The following ABCA13 variants were observed in gnomAD, a reference collection of about 807,000 sequenced individuals.
ABCA13 encodes the protein ATP-binding cassette sub-family A member 13.
A neutral mutation model predicts 478.7 loss-of-function variants in ABCA13; 476 were observed. The observed-to-expected ratio is 0.99, with a 90% CI of 0.92 to 1.07. The LOEUF (loss-of-function observed/expected upper bound fraction) is 1.07. ABCA13 is among the 50% of genes least tolerant of loss of function. ABCA13 has a pLI of 0.00. For missense variants in ABCA13, 6,060 were observed against 5,910.6 expected (o/e 1.03, Z -0.83); for synonymous variants, 2,252 against 2,158.9 (o/e 1.04, Z -1.20).
chr7:48,455,178 T>G lies in ABCA13; in HGVS notation c.12707T>G (p.Phe4236Cys). The G allele has an allele frequency of 6.3e-7, 1 of 1,588,100 alleles. No homozygotes were observed. Among genetic ancestry groups the G allele is most frequent in the Non-Finnish European group, 8.6e-7 (1 of 1,167,612 alleles). ...TLADLLLPVLFVALAMGLFMV... is the reference protein window; with the variant it reads ...TLADLLLPVLCVALAMGLFMV... ...GCCGACCTGCTGCTGCCAGTCCTCT[T>G]CGTGGCCTTGGCCATGGGCTTGTTC... Residue 4236 changes from phenylalanine (F) to cysteine (C), a missense_variant, in exon 43 of 62, where the codon TTC becomes TGC. Phe to Cys is a radical substitution (Grantham distance 205). Coordinates refer to ENST00000435803, the MANE Select transcript of ABCA13 (RefSeq NM_152701.5).
chr7:48,469,282 A>T (rs143860599), intron 44 of ABCA13, among the ~76,000 whole-genome samples: 1 of 152,204 alleles, frequency 6.6e-6, no homozygotes, highest in Non-Finnish European at 1.5e-5. Flanking sequence ...AAAAGGTGGG[A>T]TCTTCAGAGC....
intron 3 of ABCA13, among the ~76,000 whole-genome samples, chr7:48,200,608 C>G (rs1432730203): frequency 6.6e-6 from 1 of 151,910 alleles, no homozygotes; most frequent in East Asian, 1.9e-4. Context: ...CTGGTAGTGC[C>G]CAAGTCAGAG....
At chr7:48,441,691 TATG>T in intron 42 of ABCA13, among the ~76,000 whole-genome samples, 1 of 152,272 alleles carries the variant, frequency 6.6e-6, no homozygotes, top group East Asian at 1.9e-4. Flanking sequence ...GATCGGACAC[TATG>T]ATAGGCACTT....
intron 37 of ABCA13, among the ~76,000 whole-genome samples, chr7:48,389,737 C>T (rs1479424388): frequency 1.3e-5 from 2 of 152,124 alleles, no homozygotes; most frequent in Non-Finnish European, 2.9e-5. Flanking sequence ...ATTAAAGAAT[C>T]AAATCATGTG....
chr7:48,232,798 C>A (rs545467216), intron 7 of ABCA13, among the ~76,000 whole-genome samples: 2 of 152,194 alleles, frequency 1.3e-5, no homozygotes, highest in Non-Finnish European at 2.9e-5. Context: ...AATTCTAATA[C>A]CTTCTGAGAC....
chr7:48,344,835 G>A (rs913571053), intron 29 of ABCA13, among the ~76,000 whole-genome samples: 8 of 152,168 alleles, frequency 5.3e-5, no homozygotes, highest in Admixed American at 2.6e-4. Context: ...GATGGAACAT[G>A]CAGTTAATAC....
intron 55 of ABCA13, among the ~76,000 whole-genome samples, chr7:48,559,772 C>A (rs1163770756): frequency 1.3e-5 from 2 of 152,120 alleles, no homozygotes; most frequent in African/African-American, 4.8e-5. Flanking sequence ...CGACTGGGGC[C>A]TTCCTTTCAA....
chr7:48,544,148 T>A (rs1414463503), intron 55 of ABCA13, among the ~76,000 whole-genome samples: 1 of 151,680 alleles, frequency 6.6e-6, no homozygotes, highest in East Asian at 1.9e-4. Flanking sequence ...ATAAGAATTA[T>A]CTAAAACGAT....
intron 27 of ABCA13, among the ~76,000 whole-genome samples, chr7:48,326,859 C>A (rs188910148): frequency 6.6e-6 from 1 of 152,120 alleles, no homozygotes; most frequent in African/African-American, 2.4e-5. Flanking sequence ...AAGGAGCTGG[C>A]CTTAAGCTGC....
intron 1 of ABCA13, among the ~76,000 whole-genome samples, chr7:48,188,753 T>C (rs561683090): frequency 6.6e-6 from 1 of 152,350 alleles, no homozygotes; most frequent in Admixed American, 6.5e-5. Flanking sequence ...CATCTGTATG[T>C]ATTGCTAATG....
At chr7:48,198,002 C>T (rs1394462972) in intron 2 of ABCA13, among the ~76,000 whole-genome samples, 1 of 152,092 alleles carries the variant, frequency 6.6e-6, no homozygotes, top group Non-Finnish European at 1.5e-5. Flanking sequence ...TATATGGCTG[C>T]TCAGAGCCAT....
At chr7:48,481,265 G>A in intron 46 of ABCA13, 111 bp downstream of exon 46, 1 of 862,398 alleles carries the variant, frequency 1.2e-6, no homozygotes, top group Non-Finnish European at 1.9e-6. Flanking sequence ...TGACCTTGGT[G>A]CTCATAAAAA....
Position 48,638,965 on chromosome 7 carries a change from G to A in ABCA13, c.14838-4323G>A, listed in dbSNP as rs533610774. 5.9e-5 allele frequency among the ~76,000 whole-genome samples: 9 copies of A among 152,318 alleles called. No individual in the cohort carries two copies. The East Asian group carries it at 1.7e-3, about 29-fold the overall frequency. ...CTGTAACTCCCTCCATTCCCTTGGA[G>A]TTGTGTGACCCAAACAAGTTATGTA... On this transcript the variant is annotated intron_variant, in intron 59 of 61. Transcript: ENST00000435803.
At chr7:48,645,244 T>C (rs1334352707) in intron 61 of ABCA13, among the ~76,000 whole-genome samples, 173 bp from the exon 62 acceptor site, 1 of 152,198 alleles carries the variant, frequency 6.6e-6, no homozygotes, top group African/African-American at 2.4e-5. Flanking sequence ...CTTAGAGTTG[T>C]GTCCTCAATG....
intron 35 of ABCA13, among the ~76,000 whole-genome samples, chr7:48,386,189 A>G (rs569222603): frequency 6.6e-6 from 1 of 152,336 alleles, no homozygotes; most frequent in East Asian, 1.9e-4. Flanking sequence ...AACAAGGTGA[A>G]AGATCTCTAC....
At position 48,636,514 on chromosome 7, in the gene ABCA13, A is replaced by G. The variant is rs186191561; in HGVS notation, c.14838-6774A>G. Among the ~76,000 whole-genome samples, 4 of 152,280 alleles carry G rather than the reference A, an allele frequency of 2.6e-5. No individual in the cohort carries two copies. The East Asian group carries it at 7.7e-4, about 29-fold the overall frequency. The stretch of plus-strand genomic sequence containing the variant: ...CAGGGAGTCCAGGACCCTTGTCTCA[A>G]GGGTTCTATGAACTCCTGGTGAGTC... On this transcript the variant is annotated intron_variant, in intron 59 of 61. Transcript: ENST00000435803.
intron 59 of ABCA13, among the ~76,000 whole-genome samples, chr7:48,618,039 C>T (rs933617530): frequency 3.3e-5 from 5 of 152,180 alleles, no homozygotes; most frequent in Admixed American, 2.6e-4. Flanking sequence ...AGAAATGGGG[C>T]CTCAGATGAG....
intron 20 of ABCA13, among the ~76,000 whole-genome samples, chr7:48,293,481 A>G (rs1021738243): frequency 1.3e-5 from 2 of 152,210 alleles, no homozygotes; most frequent in Admixed American, 6.5e-5. Flanking sequence ...TGCAACCTGG[A>G]ACTATGCTTC....
chr7:48,423,674 G>T (rs1371431166), intron 41 of ABCA13, among the ~76,000 whole-genome samples: 2 of 152,134 alleles, frequency 1.3e-5, no homozygotes, highest in African/African-American at 4.8e-5. Context: ...CAAAACTTTT[G>T]AATTTACTGT....
Sources: gnomAD v4.1 joint callset for allele counts (sites outside exome capture counted in the v4.1 genomes callset) on GRCh38, gnomAD v4.1.1 for gene constraint, MANE v1.5 for transcripts, NCBI Gene and HGNC (gene_info 2026-07-23, HGNC 2026-07-21) for gene names.